Variants in SGCD observed in about 807,000 individuals in gnomAD.
SGCD encodes sarcoglycan delta, also known as delta-sarcoglycan.
In SGCD, 18 loss-of-function variants were observed where a neutral mutation model predicts 36.6. That is an observed-to-expected ratio of 0.49 (90% CI 0.34 to 0.73). The LOEUF is 0.73. SGCD is among the 30% of genes least tolerant of loss of function. The pLI, the probability that SGCD is intolerant of heterozygous loss-of-function variation, is 0.01. For synonymous variants in SGCD, 133 were observed against 130.6 expected (o/e 1.02, Z -0.12); for missense variants, 387 against 346.7 (o/e 1.12, Z -0.92).
chr5:156,135,785 A>C (rs1762440781), intron 3 of SGCD, among the ~76,000 whole-genome samples: 1 of 152,132 alleles, frequency 6.6e-6, no homozygotes, highest in African/African-American at 2.4e-5. Flanking sequence ...AATGAATGTT[A>C]ATGTCCCTGG....
At chr5:155,854,055 C>T in the SGCD span, among the ~76,000 whole-genome samples, 1 of 152,070 alleles carries the variant, frequency 6.6e-6, no homozygotes, top group Non-Finnish European at 1.5e-5. Context: ...CTCTATTTAA[C>T]CTTATTTTTT....
intron 3 of SGCD, among the ~76,000 whole-genome samples, chr5:156,281,755 G>T (rs1766459137): frequency 6.6e-6 from 1 of 152,166 alleles, no homozygotes; most frequent in South Asian, 2.1e-4. Context: ...AAATTCAGAG[G>T]TTAGCTCTAG....
intron 1 of SGCD, among the ~76,000 whole-genome samples, chr5:155,943,131 A>AT (rs1191660191): frequency 6.6e-6 from 1 of 152,180 alleles, no homozygotes; most frequent in Non-Finnish European, 1.5e-5. Context: ...ATGCCATAGT[A>AT]TATCTGTCTT....
At chr5:156,696,145 T>G (rs1156773755) in intron 7 of SGCD, among the ~76,000 whole-genome samples, 2 of 152,214 alleles carry the variant, frequency 1.3e-5, no homozygotes, top group Non-Finnish European at 2.9e-5. Context: ...TCTCCCTAGT[T>G]ATGCCACTCA....
intron 7 of SGCD, among the ~76,000 whole-genome samples, chr5:156,756,523 G>C (rs1245816002): frequency 6.6e-6 from 1 of 152,174 alleles, no homozygotes; most frequent in African/African-American, 2.4e-5. Context: ...CTGAGCAACA[G>C]GGTGAGACCC....
chr5:155,857,228 C>T, the SGCD span, among the ~76,000 whole-genome samples: 2 of 152,188 alleles, frequency 1.3e-5, no homozygotes, highest in Non-Finnish European at 2.9e-5. Flanking sequence ...CAGCGCAAGA[C>T]TCCATCTCAT....
chr5:156,458,993 T>G (rs538641654), intron 3 of SGCD, among the ~76,000 whole-genome samples: 5 of 152,216 alleles, frequency 3.3e-5, no homozygotes, highest in Admixed American at 6.5e-5. Context: ...AATAAAGCCC[T>G]TTCAAAGAAT....
chr5:156,032,706 CA>C (rs1171072619), intron 1 of SGCD, among the ~76,000 whole-genome samples: 31 of 15,054 alleles, frequency 2.1e-3, no homozygotes, highest in Admixed American at 2.9e-3. Flanking sequence ...GACTCCGTCT[CA>C]AAAAAAAAAA....
chr5:156,651,881 A>G (rs1037049889), intron 7 of SGCD, among the ~76,000 whole-genome samples: 1 of 151,928 alleles, frequency 6.6e-6, no homozygotes, highest in Non-Finnish European at 1.5e-5. Flanking sequence ...TTTTAACAAT[A>G]TTGATTCTTT....
At chr5:155,836,645 C>A in the SGCD span, among the ~76,000 whole-genome samples, 1 of 152,208 alleles carries the variant, frequency 6.6e-6, no homozygotes, top group South Asian at 2.1e-4. Flanking sequence ...ATCCACTTGA[C>A]ATTAACCTTC....
chr5:156,369,053 T>A (rs1770253247), intron 3 of SGCD, among the ~76,000 whole-genome samples: 3 of 152,144 alleles, frequency 2.0e-5, no homozygotes, highest in Admixed American at 2.0e-4. Flanking sequence ...TCCCTGTAAT[T>A]CTCTGCAGCT....
intron 1 of SGCD, among the ~76,000 whole-genome samples, chr5:156,006,923 C>T (rs371048612): frequency 1.5e-3 from 221 of 152,288 alleles, no homozygotes; most frequent in African/African-American, 5.2e-3. Context: ...GTCCTTCCTT[C>T]TCCCTTCTTT....
intron 2 of SGCD, among the ~76,000 whole-genome samples, chr5:156,330,311 T>A (rs1431878529): frequency 2.0e-5 from 3 of 152,088 alleles, no homozygotes; most frequent in Non-Finnish European, 4.4e-5. Flanking sequence ...CTAAGCCACG[T>A]CTGACGAACG....
At chr5:156,311,468 AAGT>A (rs1446078741) in intron 3 of SGCD, among the ~76,000 whole-genome samples, 1 of 152,208 alleles carries the variant, frequency 6.6e-6, no homozygotes, top group Non-Finnish European at 1.5e-5. Flanking sequence ...GCATATATAG[AAGT>A]AAATCTGTTT....
At chr5:156,215,078 G>C (rs1419666374) in intron 3 of SGCD, among the ~76,000 whole-genome samples, 4 of 152,058 alleles carry the variant, frequency 2.6e-5, no homozygotes, top group Admixed American at 6.5e-5. Flanking sequence ...GATGCTCAAA[G>C]GAAATGCTCA....
intron 3 of SGCD, among the ~76,000 whole-genome samples, chr5:156,232,747 G>A (rs1298819144): frequency 1.3e-5 from 2 of 152,096 alleles, no homozygotes; most frequent in East Asian, 1.9e-4. Flanking sequence ...ATTTATGTTA[G>A]GCAGTTGTGG....
chr5:156,143,550 G>T (rs894817270), intron 3 of SGCD, among the ~76,000 whole-genome samples: 13 of 152,150 alleles, frequency 8.5e-5, no homozygotes, highest in Non-Finnish European at 1.5e-4. Flanking sequence ...TGCAGGGGCT[G>T]ATCCCTGCAA....
At chr5:155,753,851 C>T in the SGCD span, among the ~76,000 whole-genome samples, 31 of 152,136 alleles carry the variant, frequency 2.0e-4, no homozygotes, top group Admixed American at 3.3e-4. Context: ...TCACCAGCCC[C>T]CAGGTCCTCC....
At chr5:156,369,256 A>G (rs960317749) in intron 3 of SGCD, among the ~76,000 whole-genome samples, 2 of 152,184 alleles carry the variant, frequency 1.3e-5, no homozygotes, top group African/African-American at 2.4e-5. Context: ...TTTTGTTTGC[A>G]GTGTTGTTTT....
Sources: gnomAD v4.1 joint callset for allele counts (sites outside exome capture counted in the v4.1 genomes callset) on GRCh38, gnomAD v4.1.1 for gene constraint, MANE v1.5 for transcripts, NCBI Gene and HGNC (gene_info 2026-07-23, HGNC 2026-07-21) for gene names.